AGK: variants seen among roughly 807,000 people sequenced by gnomAD.
The protein encoded by AGK is acylglycerol kinase, mitochondrial.
Under a neutral mutation model 66.4 loss-of-function variants are expected in AGK, and 52 were observed. The ratio of observed to expected loss-of-function variants is 0.78; its 90% CI spans 0.63 to 0.99. The LOEUF is 0.99. Among genes scored for constraint, AGK ranks in the 50% least tolerant of loss-of-function variants. The probability of loss-of-function intolerance (pLI) is 0.00; values close to 1 mark genes in which losing one functional copy is unlikely to be tolerated. For synonymous variants in AGK, 182 were observed against 181.1 expected (o/e 1.00, Z -0.04); for missense variants, 451 against 506.6 (o/e 0.89, Z 1.05).
At chr7:141,599,941 T>C (rs1796306658) in intron 4 of AGK, among the ~76,000 whole-genome samples, 1 of 152,208 alleles carries the variant, frequency 6.6e-6, no homozygotes, top group African/African-American at 2.4e-5. Context: ...CTATTTTAAT[T>C]CACAATAAGA....
intron 4 of AGK, 112 bp downstream of exon 4, chr7:141,596,753 C>A: frequency 3.5e-6 from 3 of 847,062 alleles, no homozygotes; most frequent in Non-Finnish European, 3.9e-6. Flanking sequence ...AGGTTTAGTA[C>A]TCTTCTAGCA....
At position 141,634,345 on chromosome 7, in the gene AGK, G is replaced by A. The variant is rs148866096; in HGVS notation, c.668+365G>A. On this transcript the variant is annotated intron_variant, in intron 10 of 15. Transcript: ENST00000649286. ...GGGTACCAAGTGGAAGGGACTGCCT[G>A]GGCTACAGCCTTACGGAGCTGTTGC... 2.6e-5 allele frequency among the ~76,000 whole-genome samples: 4 copies of A among 152,304 alleles called. No homozygotes were observed. The East Asian group carries it at 7.7e-4, about 29-fold the overall frequency.
chr7:141,610,849 C>T (rs1328709270), intron 5 of AGK, among the ~76,000 whole-genome samples: 1 of 152,180 alleles, frequency 6.6e-6, no homozygotes, highest in African/African-American at 2.4e-5. Flanking sequence ...TTCCTATTTG[C>T]ATGTACACTT....
At chr7:141,618,505 A>T (rs1011447884) in intron 8 of AGK, among the ~76,000 whole-genome samples, 1 of 152,230 alleles carries the variant, frequency 6.6e-6, no homozygotes, top group African/African-American at 2.4e-5. Context: ...TTTATTAAAA[A>T]TTCATTTGGG....
intron 8 of AGK, 130 bp from the exon 9 acceptor site, chr7:141,621,602 G>C (rs1796826555): frequency 1.5e-6 from 1 of 670,648 alleles, no homozygotes. Flanking sequence ...GGGGGAGAGA[G>C]AGAGAGGGAG....
At chr7:141,565,038 C>G (rs1334327003) in intron 2 of AGK, among the ~76,000 whole-genome samples, 1 of 152,168 alleles carries the variant, frequency 6.6e-6, no homozygotes, top group Non-Finnish European at 1.5e-5. Context: ...CTTTGTTACT[C>G]TTCTCTGCCC....
chr7:141,556,196 C>T (rs1471834342), intron 2 of AGK, among the ~76,000 whole-genome samples: 3 of 152,090 alleles, frequency 2.0e-5, no homozygotes, highest in Non-Finnish European at 4.4e-5. Flanking sequence ...ATTGGCCTCT[C>T]TAAAGTAGGC....
rs1264323639 is a variant in AGK at position 141,555,420 on chromosome 7, T to C, written c.-14-33T>C. Reference sequence around the variant, plus strand: ...TTACATGAAGACCATGGATAAATTATATTTTTTTCTCTTTCCGCCTCTACT... The same window carrying C: ...TTACATGAAGACCATGGATAAATTACATTTTTTTCTCTTTCCGCCTCTACT... On this transcript the variant is annotated intron_variant, in intron 1 of 15. Transcript: ENST00000649286. This position sits in a 1 kb window ranked among gnomAD's most constrained non-coding sequence, Gnocchi z 4.2. 5 of 1,434,562 alleles carry C rather than the reference T, an allele frequency of 3.5e-6. No individual in the cohort carries two copies. The African/African-American group carries it at 5.7e-5, about 16-fold the overall frequency. The allele number at this position is 1,434,562 out of a possible 1,614,324, so 88.9% of individuals were successfully genotyped here. A position where few individuals can be genotyped will look rare whatever the true frequency, so the allele number is the denominator to read the frequency against.
chr7:141,616,883 G>A lies in AGK; in HGVS notation c.518+1318G>A, dbSNP rs535470483. ...ACGCCATTCTCTTGCCTCAGCCTCC[G>A]AGTAGCTGGGACTACAGGCGCCCGC... is the stretch of plus-strand genomic sequence containing the variant. On this transcript the variant is annotated intron_variant, in intron 8 of 15. Coordinates refer to ENST00000649286, the MANE Select transcript of AGK (RefSeq NM_018238.4). Among the ~76,000 whole-genome samples the A allele has an allele frequency of 4.0e-5, 6 of 151,186 alleles. No homozygotes were observed. In the East Asian group the frequency reaches 7.8e-4, roughly 20 times the overall value.
At chr7:141,611,869 C>T (rs1310574158) in intron 6 of AGK, among the ~76,000 whole-genome samples, 1 of 152,172 alleles carries the variant, frequency 6.6e-6, no homozygotes, top group East Asian at 1.9e-4. Flanking sequence ...TGTGGAGCAA[C>T]AGGAACTCTC....
chr7:141,628,715 A>G (rs117724953), intron 9 of AGK, among the ~76,000 whole-genome samples: 1 of 152,336 alleles, frequency 6.6e-6, no homozygotes, highest in Non-Finnish European at 1.5e-5. Context: ...GAATCCTTTG[A>G]TTATGACGAG....
intron 9 of AGK, among the ~76,000 whole-genome samples, chr7:141,629,780 C>CT (rs1797017593): frequency 6.6e-6 from 1 of 152,066 alleles, no homozygotes; most frequent in African/African-American, 2.4e-5. Flanking sequence ...CCTAAAAACT[C>CT]TTCCCCCCGA....
At chr7:141,562,669 C>T (rs1053192065) in intron 2 of AGK, among the ~76,000 whole-genome samples, 2 of 152,192 alleles carry the variant, frequency 1.3e-5, no homozygotes, top group African/African-American at 2.4e-5. Flanking sequence ...CCAGCTCCCA[C>T]GCATTTAGTG....
intron 11 of AGK, among the ~76,000 whole-genome samples, chr7:141,640,416 A>G (rs572100131): frequency 6.6e-6 from 1 of 152,246 alleles, no homozygotes; most frequent in East Asian, 1.9e-4. Flanking sequence ...TAAGCAGTGG[A>G]GTGAGAGAAG....
chr7:141,614,268 T>C (rs1796659188), intron 7 of AGK, 90 bp downstream of exon 7: 9 of 1,011,926 alleles, frequency 8.9e-6, no homozygotes, highest in Non-Finnish European at 1.3e-5. Context: ...TTCCATTGTA[T>C]ATTTTAAAAC....
intron 14 of AGK, 49 bp downstream of exon 14, chr7:141,649,382 T>G: frequency 7.1e-7 from 1 of 1,406,794 alleles, no homozygotes; most frequent in Non-Finnish European, 1.0e-6. Context: ...TTTTCTCAGA[T>G]TTTACTATTC....
chr7:141,643,979 C>A (rs1797347948), intron 13 of AGK, among the ~76,000 whole-genome samples: 1 of 151,928 alleles, frequency 6.6e-6, no homozygotes, highest in Non-Finnish European at 1.5e-5. Flanking sequence ...GCCCTATTAA[C>A]TGTATTTCTA....
intron 10 of AGK, among the ~76,000 whole-genome samples, chr7:141,634,846 A>G (rs1174026096): frequency 1.4e-5 from 2 of 145,528 alleles, no homozygotes; most frequent in Non-Finnish European, 3.0e-5. Context: ...TTTTTTTTTT[A>G]ACAGAAATTT....
chr7:141,628,183 G>T lies in AGK; in HGVS notation c.589-5718G>T, dbSNP rs138153897. 2.2e-3 allele frequency among the ~76,000 whole-genome samples: 339 copies of T among 152,200 alleles called. 1 individual carries two copies. Among genetic ancestry groups the T allele is most frequent in the Middle Eastern group, 6.8e-3 (2 of 294 alleles). On this transcript the variant is annotated intron_variant, in intron 9 of 15. Coordinates refer to ENST00000649286, the MANE Select transcript of AGK (RefSeq NM_018238.4). The stretch of plus-strand genomic sequence containing the variant: ...GCGTGAGCCACCGCACCTGGCCTGT[G>T]CTTATATTTAAATGTCTCTTGTCTC...
Sources: gnomAD v4.1 joint callset for allele counts (sites outside exome capture counted in the v4.1 genomes callset) on GRCh38, gnomAD v4.1.1 for gene constraint, Gnocchi (gnomAD v3.1) non-coding constraint, MANE v1.5 for transcripts, NCBI Gene and HGNC (gene_info 2026-07-23, HGNC 2026-07-21) for gene names.